The following ARID3A variants were observed in gnomAD, a reference collection of about 807,000 sequenced individuals.
The protein encoded by ARID3A is AT-rich interactive domain-containing protein 3A.
ARID3A carries 11 observed loss-of-function variants against 52.7 expected under a neutral mutation model. That is an observed-to-expected ratio of 0.21 (90% CI 0.13 to 0.35). The LOEUF (loss-of-function observed/expected upper bound fraction) is 0.35. ARID3A is among the 10% of genes least tolerant of loss of function. ARID3A has a pLI of 1.00. For missense variants in ARID3A, 721 were observed against 838.5 expected, an observed-to-expected ratio of 0.86 and a Z score of 1.73; for synonymous variants, 404 against 359.4, an observed-to-expected ratio of 1.12 and a Z score of -1.40.
chr19:943,322 A>C (rs191620138), intron 3 of ARID3A, among the ~76,000 whole-genome samples: 1 of 151,528 alleles, frequency 6.6e-6, no homozygotes, highest in East Asian at 1.9e-4. Context: ...TAATCCCAGC[A>C]CTTTGGGAGG....
intron 3 of ARID3A, among the ~76,000 whole-genome samples, chr19:949,508 C>T (rs1008412083): frequency 3.9e-5 from 6 of 152,056 alleles, no homozygotes; most frequent in Admixed American, 6.5e-5. Flanking sequence ...TTCTTACGGC[C>T]TCTTTCTTTT....
Position 974,788 on chromosome 19 carries a change from C to T in ARID3A, c.*2723C>T, listed in dbSNP as rs1297884613. 2.2e-5 allele frequency: 5 copies of T among 231,588 alleles called. No individual in the cohort carries two copies. In the Admixed American group the frequency reaches 2.3e-4, roughly 10 times the overall value. The allele number at this position is 231,588 out of a possible 1,614,324, so 14.3% of individuals were successfully genotyped here. A position where few individuals can be genotyped will look rare whatever the true frequency, so the allele number is the denominator to read the frequency against. On this transcript the variant is annotated 3_prime_UTR_variant, in exon 9 of 9. Transcript: ENST00000263620. The stretch of plus-strand genomic sequence containing the variant: ...GTCGTGTCTGTGGGCGATCCGGCCT[C>T]CCGGCGGTGGGTGGACCTGGATTCT...
Position 942,519 on chromosome 19 carries a change from G to A in ARID3A, c.693+9777G>A, listed in dbSNP as rs2037578437. On this transcript the variant is annotated intron_variant, in intron 3 of 8. Coordinates refer to ENST00000263620, the MANE Select transcript of ARID3A (RefSeq NM_005224.3). This position sits in a 1 kb window ranked among gnomAD's most constrained non-coding sequence, Gnocchi z 8.1. ...GCACATGGCCAGAGGACAATTGGGG[G>A]TCACAGGGTTAAACGCTGACTAATC... Among the ~76,000 whole-genome samples the A allele has an allele frequency of 6.6e-6, 1 of 152,236 alleles. No homozygotes were observed. The highest frequency in any genetic ancestry group is 2.4e-5 in the African/African-American group (1 of 41,466).
chr19:968,653 A>T, intron 8 of ARID3A, 150 bp downstream of exon 8: 1 of 644,688 alleles, frequency 1.6e-6, no homozygotes, highest in Non-Finnish European at 2.7e-6. Context: ...CAAACAGTCA[A>T]GACTGATGGA....
In ARID3A at chr19:960,926, G is replaced by T. The variant is rs1161783382; in HGVS notation, c.766+762G>T. Among the ~76,000 whole-genome samples, 1 of 152,158 alleles carries T rather than the reference G, an allele frequency of 6.6e-6. No homozygotes were observed. The highest frequency in any genetic ancestry group is 1.9e-4 in the East Asian group (1 of 5,190). ...GACTCAGACGACCAAGGGTAGCCGG[G>T]GTGTCCCAGCGGCCATTCCCAGGCC... On this transcript the variant is annotated intron_variant, in intron 4 of 8. Transcript: ENST00000263620. The surrounding 1 kb of genome is among the most constrained non-coding windows in gnomAD (Gnocchi z 4.3).
rs1376207008 is a variant in ARID3A, at chr19:947,769, G to A, written c.694-12323G>A. Among the ~76,000 whole-genome samples, 1 of 152,238 alleles carries A rather than the reference G, an allele frequency of 6.6e-6. No homozygotes were observed. Among genetic ancestry groups the A allele is most frequent in the East Asian group, 1.9e-4 (1 of 5,202 alleles). ...ATATCCGCCCCGTGGGTGCGGCGCT[G>A]TGTATTTCCAGAGAGGGGACTCGGG... On this transcript the variant is annotated intron_variant, in intron 3 of 8. Coordinates refer to ENST00000263620, the MANE Select transcript of ARID3A (RefSeq NM_005224.3). The surrounding 1 kb of genome is among the most constrained non-coding windows in gnomAD (Gnocchi z 6.3).
rs2038105561 is a variant in ARID3A, at chr19:964,487, C to T, written c.950+56C>T. 3 of 1,508,970 alleles carry T rather than the reference C, an allele frequency of 2.0e-6. No individual in the cohort carries two copies. The Admixed American group carries it at 6.2e-5, about 31-fold the overall frequency. 93.5% of individuals were successfully genotyped at this position (1,508,970 alleles called of 1,614,324 possible). ...GCCAGGGCACTCTGAGCAGCCAGTG[C>T]AAGGGGCCTGCAGAAGAGGGAGGGG... On this transcript the variant is annotated intron_variant, in intron 5 of 8. Coordinates refer to ENST00000263620, the MANE Select transcript of ARID3A (RefSeq NM_005224.3). This position sits in a 1 kb window ranked among gnomAD's most constrained non-coding sequence, Gnocchi z 5.7.
rs571578845 is a variant in ARID3A at position 932,916 on chromosome 19, C to T, written c.693+174C>T. ...CCCTCCTGGGCGTGGGCTCGACCAG[C>T]TGGCTGTTCATTGCTCTGATGTGGG... On this transcript the variant is annotated intron_variant, in intron 3 of 8. Transcript: ENST00000263620. Among the ~76,000 whole-genome samples the T allele has an allele frequency of 7.9e-4, 121 of 152,346 alleles. 2 individuals carry two copies. Among genetic ancestry groups the T allele is most frequent in the Non-Finnish European group, 1.5e-4 (10 of 68,022 alleles).
chr19:926,567 G>A (rs2037204179), intron 1 of ARID3A, among the ~76,000 whole-genome samples: 1 of 151,862 alleles, frequency 6.6e-6, no homozygotes, highest in Admixed American at 6.5e-5. Context: ...CGGGAGCCCA[G>A]AGAGGAGGGA....
Position 929,287 on chromosome 19 carries a change from G to A in ARID3A, c.-242G>A, listed in dbSNP as rs1037155242. Reference sequence around the variant, plus strand: ...GTTTCTGCAAATGCGTGAATGAGCCGGATGCCAGCCTCTGTCCCCTGGAGC... The same window carrying A: ...GTTTCTGCAAATGCGTGAATGAGCCAGATGCCAGCCTCTGTCCCCTGGAGC... On this transcript the variant is annotated 5_prime_UTR_variant, in exon 2 of 9. Transcript: ENST00000263620. This position sits in a 1 kb window ranked among gnomAD's most constrained non-coding sequence, Gnocchi z 6.2. 3 of 357,390 alleles carry A rather than the reference G, an allele frequency of 8.4e-6. No individual in the cohort carries two copies. The highest frequency in any genetic ancestry group is 4.4e-6 in the Non-Finnish European group (1 of 228,998). 22.1% of individuals were successfully genotyped at this position (357,390 alleles called of 1,614,324 possible). A position where few individuals can be genotyped will look rare whatever the true frequency, so the allele number is the denominator to read the frequency against.
chr19:966,189 G>T (rs1340122163), intron 6 of ARID3A, among the ~76,000 whole-genome samples: 2 of 150,978 alleles, frequency 1.3e-5, no homozygotes, highest in African/African-American at 4.9e-5. Context: ...GCTGGGCGCG[G>T]TGGCTCACGC....
At chr19:949,676 C>CTTT (rs71335322) in intron 3 of ARID3A, among the ~76,000 whole-genome samples, 25 of 123,814 alleles carry the variant, frequency 2.0e-4, no homozygotes, top group South Asian at 1.0e-3. Flanking sequence ...CTGATTCTGT[C>CTTT]TTTTTTTTTT....
At chr19:965,991 CAAAA>C (rs35807859) in intron 6 of ARID3A, among the ~76,000 whole-genome samples, 1,494 of 106,546 alleles carry the variant, frequency 0.014, 27 homozygotes, top group African/African-American at 0.051. Flanking sequence ...GACTCCGTGT[CAAAA>C]AAAAAAAAAA....
chr19:975,465 A>G lies in ARID3A; in HGVS notation c.*3400A>G, dbSNP rs1221053060. ...ACCCACCTTGTCCCTTTTTTCCCCA[A>G]TTGTGCTTTTGCATTTTTTTCCTTG... On this transcript the variant is annotated 3_prime_UTR_variant, in exon 9 of 9. Transcript: ENST00000263620. 1.3e-5 allele frequency: 3 copies of G among 228,390 alleles called. No homozygotes were observed. The highest frequency in any genetic ancestry group is 1.8e-4 in the South Asian group (1 of 5,500). The allele number at this position is 228,390 out of a possible 1,614,324, so 14.1% of individuals were successfully genotyped here. A position where few individuals can be genotyped will look rare whatever the true frequency, so the allele number is the denominator to read the frequency against.
In ARID3A at chr19:941,302, C is replaced by A. The variant is rs1298861127; in HGVS notation, c.693+8560C>A. On this transcript the variant is annotated intron_variant, in intron 3 of 8. Coordinates refer to ENST00000263620, the MANE Select transcript of ARID3A (RefSeq NM_005224.3). The surrounding 1 kb of genome is among the most constrained non-coding windows in gnomAD (Gnocchi z 6.9). The stretch of plus-strand genomic sequence containing the variant: ...GGCTCGTGGGTCCTGTCTCGTGGGA[C>A]CCTGCCTGGGAGGGAATCTTGCTCC... Among the ~76,000 whole-genome samples the A allele has an allele frequency of 2.6e-5, 4 of 152,208 alleles. No individual in the cohort carries two copies. Among genetic ancestry groups the A allele is most frequent in the African/African-American group, 9.6e-5 (4 of 41,456 alleles).
At position 966,116 on chromosome 19, in the gene ARID3A, G is replaced by A. The variant is rs191155401; in HGVS notation, c.1199-456G>A. Among the ~76,000 whole-genome samples the A allele has an allele frequency of 7.5e-3, 1,134 of 151,118 alleles. 11 individuals are homozygous for A. The highest frequency in any genetic ancestry group is 0.026 in the African/African-American group (1,077 of 41,074). ...GCAGAGGTTGCAGTGAGCTGGGATC[G>A]CGCCACTGCCCTCCAGCCTAAGCAA... On this transcript the variant is annotated intron_variant, in intron 6 of 8. Coordinates refer to ENST00000263620, the MANE Select transcript of ARID3A (RefSeq NM_005224.3).
rs768378939 is a variant in ARID3A at position 942,613 on chromosome 19, G to A, written c.693+9871G>A. 3.3e-5 allele frequency among the ~76,000 whole-genome samples: 5 copies of A among 152,204 alleles called. No homozygotes were observed. The highest frequency in any genetic ancestry group is 2.1e-4 in the South Asian group (1 of 4,832). On this transcript the variant is annotated intron_variant, in intron 3 of 8. Coordinates refer to ENST00000263620, the MANE Select transcript of ARID3A (RefSeq NM_005224.3). The surrounding 1 kb of genome is among the most constrained non-coding windows in gnomAD (Gnocchi z 8.1). ...TTGGTCAGGGCTGGGCTGGGGGTCC[G>A]TGGGCACAGGTGGGTGGGCAGGGAG...
intron 3 of ARID3A, among the ~76,000 whole-genome samples, chr19:937,126 G>A (rs139146142): frequency 0.016 from 2,457 of 152,180 alleles, 54 homozygotes; most frequent in African/African-American, 0.055. Flanking sequence ...AAATTAGCTG[G>A]GTGTGGTGGC....
chr19:963,719 A>G (rs2038089651), intron 4 of ARID3A, among the ~76,000 whole-genome samples: 1 of 152,066 alleles, frequency 6.6e-6, no homozygotes, highest in African/African-American at 2.4e-5. Context: ...CTCCTGGGCT[A>G]GCCCAACCCC....
Sources: allele counts gnomAD v4.1 joint callset (sites outside exome capture counted in the v4.1 genomes callset), GRCh38; gene constraint gnomAD v4.1.1; non-coding constraint Gnocchi (gnomAD v3.1); transcripts MANE v1.5; gene names NCBI Gene and HGNC (gene_info 2026-07-23, HGNC 2026-07-21).